The following BRAF variants were observed in gnomAD, a reference collection of about 807,000 sequenced individuals.
BRAF encodes the protein serine/threonine-protein kinase B-raf.
Under a neutral mutation model 104.6 loss-of-function variants are expected in BRAF, and 16 were observed. The ratio of observed to expected loss-of-function variants is 0.15; its 90% CI spans 0.10 to 0.23. The LOEUF (loss-of-function observed/expected upper bound fraction) is 0.23, where lower values mean the gene tolerates loss of function less well. BRAF is among the 10% of genes least tolerant of loss of function. The pLI is 1.00. For synonymous variants in BRAF, 310 were observed against 341.6 expected (o/e 0.91, Z 1.02); for missense variants, 541 against 937.3 (o/e 0.58, Z 5.52).
intron 17 of BRAF, among the ~76,000 whole-genome samples, chr7:140,746,217 A>G (rs911059359): frequency 6.6e-6 from 1 of 152,216 alleles, no homozygotes; most frequent in Admixed American, 6.5e-5. Flanking sequence ...TCTTCAAAGA[A>G]GACACGGCAC....
downstream of BRAF, among the ~76,000 whole-genome samples, chr7:140,715,240 C>T (rs927978416): frequency 2.0e-5 from 3 of 152,162 alleles, no homozygotes; most frequent in African/African-American, 4.8e-5. Flanking sequence ...AACAGTTGCA[C>T]CCTCCCCTGC....
intron 1 of BRAF, among the ~76,000 whole-genome samples, chr7:140,882,260 A>C (rs888985415): frequency 1.3e-5 from 2 of 152,212 alleles, no homozygotes; most frequent in Non-Finnish European, 2.9e-5. Flanking sequence ...CCTAATATTT[A>C]AAATGTAAGC....
chr7:140,769,647 G>GT (rs939346969), intron 14 of BRAF, among the ~76,000 whole-genome samples: 1 of 152,152 alleles, frequency 6.6e-6, no homozygotes, highest in African/African-American at 2.4e-5. Context: ...TCTACTGTAT[G>GT]TAAGTGCCAA....
chr7:140,813,353 C>T (rs1035213360), intron 3 of BRAF, among the ~76,000 whole-genome samples: 1 of 152,012 alleles, frequency 6.6e-6, no homozygotes, highest in Non-Finnish European at 1.5e-5. Context: ...TTTCATTTAT[C>T]AGATTGGCAA....
In BRAF at chr7:140,789,708, C is replaced by G. The variant is rs149091582; in HGVS notation, c.1141-2124G>C. Among the ~76,000 whole-genome samples, 1,348 of 152,256 alleles carry G rather than the reference C, an allele frequency of 8.9e-3. 19 individuals are homozygous for G. The highest frequency in any genetic ancestry group is 0.031 in the African/African-American group (1,286 of 41,536). On this transcript the variant is annotated intron_variant, in intron 8 of 19. Coordinates refer to ENST00000644969, the MANE Select transcript of BRAF (RefSeq NM_001374258.1). ...AAAAGAGATGCCAAAGTTTGCTGCT[C>G]AATTGATTGCCAACTAAGTGATACA...
intron 1 of BRAF, among the ~76,000 whole-genome samples, chr7:140,919,516 T>TC (rs1158462787): frequency 1.8e-4 from 28 of 151,480 alleles, no homozygotes; most frequent in African/African-American, 6.8e-4. Flanking sequence ...TCTCAGAGGG[T>TC]AGGGGGGAAA....
At chr7:140,899,801 T>C (rs1815394347) in intron 1 of BRAF, among the ~76,000 whole-genome samples, 1 of 152,216 alleles carries the variant, frequency 6.6e-6, no homozygotes, top group African/African-American at 2.4e-5. Flanking sequence ...CCAATGATCC[T>C]CACCCTCCTG....
At chr7:140,734,433 T>C in intron 19 of BRAF, 1 of 1,528,176 alleles carries the variant, frequency 6.5e-7, no homozygotes, top group Non-Finnish European at 8.7e-7. Flanking sequence ...TAAGTATAAA[T>C]TTTAGTTTGG....
chr7:140,725,676 T>C lies in BRAF; in HGVS notation c.*818A>G. The C allele has an allele frequency of 9.4e-7, 1 of 1,058,396 alleles. No homozygotes were observed. The highest frequency in any genetic ancestry group is 1.7e-5 in the African/African-American group (1 of 60,422). 65.6% of individuals were successfully genotyped at this position (1,058,396 alleles called of 1,614,324 possible). ...GGAGGAAGATATAAACTGTATTTCC[T>C]GAGAATTTGCTACATTGTGGAGGAA... On this transcript the variant is annotated 3_prime_UTR_variant, in exon 20 of 20. Transcript: ENST00000644969.
chr7:140,866,797 ACT>A (rs1811015338), intron 1 of BRAF, among the ~76,000 whole-genome samples: 1 of 151,836 alleles, frequency 6.6e-6, no homozygotes, highest in African/African-American at 2.4e-5. Flanking sequence ...TACTTATAAG[ACT>A]CTCAGAGAGT....
chr7:140,765,513 A>G (rs921243352), intron 14 of BRAF, among the ~76,000 whole-genome samples: 83 of 152,270 alleles, frequency 5.5e-4, no homozygotes, highest in Middle Eastern at 3.4e-3. Context: ...TGAACAGGCA[A>G]CCTACAAAAT....
intron 3 of BRAF, chr7:140,822,374 A>G (rs568913951): frequency 5.9e-5 from 9 of 152,346 alleles, no homozygotes; most frequent in Non-Finnish European, 1.2e-4. Context: ...CCATCATCAC[A>G]TTCAAGATAA....
chr7:140,752,881 C>T (rs1003315786), intron 16 of BRAF, among the ~76,000 whole-genome samples: 5 of 151,450 alleles, frequency 3.3e-5, no homozygotes, highest in Non-Finnish European at 7.4e-5. Flanking sequence ...CAACAGGGTA[C>T]ACAGAACATT....
intron 1 of BRAF, among the ~76,000 whole-genome samples, chr7:140,904,152 C>T (rs1031742684): frequency 2.0e-5 from 3 of 152,198 alleles, no homozygotes; most frequent in African/African-American, 4.8e-5. Context: ...CAGAAAGCAT[C>T]GCCTGGTACA....
intron 14 of BRAF, among the ~76,000 whole-genome samples, chr7:140,763,196 G>A (rs547577898): frequency 7.9e-5 from 12 of 152,138 alleles, no homozygotes; most frequent in South Asian, 2.1e-4. Flanking sequence ...GGGGAGAGGC[G>A]CCCCTCACCT....
intron 5 of BRAF, among the ~76,000 whole-genome samples, chr7:140,803,961 T>G (rs1375053608): frequency 6.6e-6 from 1 of 152,138 alleles, no homozygotes; most frequent in Non-Finnish European, 1.5e-5. Context: ...CTCGGCCCAC[T>G]GCAACCTCTG....
chr7:140,853,800 C>CCTTA (rs1809463624), intron 1 of BRAF, among the ~76,000 whole-genome samples: 1 of 152,212 alleles, frequency 6.6e-6, no homozygotes, highest in South Asian at 2.1e-4. Context: ...TATGTGACCA[C>CCTTA]CTTACTATAT....
intron 14 of BRAF, among the ~76,000 whole-genome samples, chr7:140,762,844 CA>C (rs1299954355): frequency 6.6e-6 from 1 of 152,164 alleles, no homozygotes; most frequent in Non-Finnish European, 1.5e-5. Context: ...ATCTGTTTAA[CA>C]AAGCACATCT....
chr7:140,913,181 C>T lies in BRAF; in HGVS notation c.138+11385G>A, dbSNP rs538405538. Among the ~76,000 whole-genome samples, 17 of 152,172 alleles carry T rather than the reference C, an allele frequency of 1.1e-4. No individual in the cohort carries two copies. In the South Asian group the frequency reaches 1.5e-3, roughly 13 times the overall value. ...CTGTTTAACTTTCATTGCTCCACAG[C>T]ACTTATTACCTTTGAACATACTACA... On this transcript the variant is annotated intron_variant, in intron 1 of 19. Transcript: ENST00000644969.
Sources: gnomAD v4.1 joint callset for allele counts (sites outside exome capture counted in the v4.1 genomes callset) on GRCh38, gnomAD v4.1.1 for gene constraint, MANE v1.5 for transcripts, NCBI Gene and HGNC (gene_info 2026-07-23, HGNC 2026-07-21) for gene names.